Variants in PEX5L observed in about 807,000 individuals in gnomAD.
PEX5L encodes the protein peroxisomal biogenesis factor 5 like, also known as PEX5-related protein.
A neutral mutation model predicts 84.0 loss-of-function variants in PEX5L; 30 were observed. The ratio of observed to expected loss-of-function variants is 0.36; its 90% CI spans 0.27 to 0.48. The LOEUF is 0.48. Ranked by LOEUF, PEX5L falls within the 20% of genes least tolerant of loss-of-function variation. The pLI is 0.99. For synonymous variants in PEX5L, 270 were observed against 283.1 expected (o/e 0.95, Z 0.46); for missense variants, 533 against 754.6 (o/e 0.71, Z 3.44).
chr3:179,984,692 T>C (rs937393361), intron 1 of PEX5L, among the ~76,000 whole-genome samples: 8 of 147,252 alleles, frequency 5.4e-5, no homozygotes, highest in Non-Finnish European at 1.1e-4. Flanking sequence ...CAATTTGTCT[T>C]TTTTAGATTC....
chr3:179,850,655 A>G (rs1741470027), intron 8 of PEX5L, among the ~76,000 whole-genome samples: 1 of 152,226 alleles, frequency 6.6e-6, no homozygotes, highest in Non-Finnish European at 1.5e-5. Context: ...GTTAGCTAAC[A>G]TGACAAACCA....
chr3:179,908,164 T>G (rs1167750866), intron 2 of PEX5L, among the ~76,000 whole-genome samples: 5 of 152,230 alleles, frequency 3.3e-5, no homozygotes, highest in Admixed American at 6.5e-5. Context: ...GTGGGTTGGC[T>G]CCTCATAATG....
chr3:179,808,748 T>C (rs1007288510), intron 12 of PEX5L, among the ~76,000 whole-genome samples: 1 of 152,084 alleles, frequency 6.6e-6, no homozygotes, highest in African/African-American at 2.4e-5. Context: ...CCTCAGTGAA[T>C]AAGGATTTAA....
chr3:179,971,447 G>C, intron 2 of PEX5L, 147 bp downstream of exon 2: 1 of 1,174,794 alleles, frequency 8.5e-7, no homozygotes, highest in African/African-American at 1.6e-5. Context: ...ATCATATGGA[G>C]CGGCTTAGCT....
chr3:179,879,016 A>G (rs2177591), intron 5 of PEX5L, among the ~76,000 whole-genome samples: 139,246 of 152,256 alleles, frequency 0.91, 63,740 homozygotes, highest in South Asian at 0.97. Flanking sequence ...ACATATCATA[A>G]TAATAAGTGA....
intron 4 of PEX5L, 57 bp from the exon 5 acceptor site, chr3:179,880,180 A>G: frequency 8.9e-7 from 1 of 1,119,140 alleles, no homozygotes; most frequent in Non-Finnish European, 1.3e-6. Flanking sequence ...AATTATTTAA[A>G]ATAGGTTTCA....
chr3:179,836,106 T>C (rs960331842), intron 8 of PEX5L, among the ~76,000 whole-genome samples: 9 of 152,200 alleles, frequency 5.9e-5, no homozygotes, highest in African/African-American at 1.9e-4. Context: ...TTTTAGGTTT[T>C]CCCCTTACAT....
chr3:179,888,250 G>A (rs1756521509), intron 3 of PEX5L: 1 of 915,882 alleles, frequency 1.1e-6, no homozygotes, highest in Admixed American at 2.4e-5. Context: ...GTGGATAAAT[G>A]CCTGCCTCGT....
chr3:179,923,301 A>AAAAAAC lies in PEX5L; in HGVS notation c.94-25056_94-25055insGTTTTT, dbSNP rs1553900535. On this transcript the variant is annotated intron_variant, in intron 2 of 14. Transcript: ENST00000467460. ...GCGAGACTCCATCTCAAAAAAAAAA[A>AAAAAAC]AAAAAAAAAACACCCTCAAGTGAAT... Among the ~76,000 whole-genome samples the AAAAAAC allele has an allele frequency of 1.6e-4, 23 of 143,318 alleles. 3 individuals are homozygous for AAAAAAC. The South Asian group carries it at 2.0e-3, about 12-fold the overall frequency. The allele number at this position is 143,318 out of a possible 152,430, so 94.0% of individuals were successfully genotyped here. A position where few individuals can be genotyped will look rare whatever the true frequency, so the allele number is the denominator to read the frequency against.
intron 1 of PEX5L, among the ~76,000 whole-genome samples, chr3:179,977,543 C>T (rs1293968084): frequency 6.6e-6 from 1 of 152,120 alleles, no homozygotes; most frequent in African/African-American, 2.4e-5. Context: ...AGACTCATTT[C>T]TGTGGCAGCC....
intron 2 of PEX5L, among the ~76,000 whole-genome samples, chr3:179,940,656 C>T (rs1052385978): frequency 6.6e-6 from 1 of 152,164 alleles, no homozygotes; most frequent in African/African-American, 2.4e-5. Flanking sequence ...TCTAAAGGAA[C>T]AGCAACCCAT....
intron 2 of PEX5L, among the ~76,000 whole-genome samples, chr3:179,958,385 T>C (rs1321830916): frequency 2.0e-5 from 3 of 152,228 alleles, no homozygotes; most frequent in Admixed American, 2.0e-4. Context: ...CTGTGTAAAA[T>C]TCCCTTTGCC....
intron 8 of PEX5L, among the ~76,000 whole-genome samples, chr3:179,828,350 A>G (rs1468465765): frequency 6.6e-6 from 1 of 151,988 alleles, no homozygotes; most frequent in African/African-American, 2.4e-5. Flanking sequence ...CTCCCTTCTC[A>G]TCCTGGATGA....
chr3:179,844,413 T>A (rs1738477034), intron 8 of PEX5L, among the ~76,000 whole-genome samples: 1 of 152,232 alleles, frequency 6.6e-6, no homozygotes, highest in Non-Finnish European at 1.5e-5. Context: ...ATTCTTATAA[T>A]TCAGTGTCTA....
intron 10 of PEX5L, among the ~76,000 whole-genome samples, chr3:179,812,481 C>CTTA (rs1724261499): frequency 6.6e-6 from 1 of 151,972 alleles, no homozygotes; most frequent in South Asian, 2.1e-4. Flanking sequence ...GTACCTTAAG[C>CTTA]CCTTTTTCAT....
chr3:179,912,374 C>T (rs1765475340), intron 2 of PEX5L, among the ~76,000 whole-genome samples: 1 of 151,982 alleles, frequency 6.6e-6, no homozygotes, highest in South Asian at 2.1e-4. Context: ...GAATTATGGC[C>T]TTTTGGGTCC....
intron 2 of PEX5L, among the ~76,000 whole-genome samples, chr3:179,946,020 T>G (rs1777444290): frequency 2.0e-5 from 2 of 97,968 alleles, no homozygotes; most frequent in African/African-American, 9.7e-5. Context: ...ACTGAAAGTT[T>G]TTTTTTTTTT....
At chr3:179,993,591 C>T (rs1225243249) in intron 1 of PEX5L, among the ~76,000 whole-genome samples, 1 of 152,136 alleles carries the variant, frequency 6.6e-6, no homozygotes, top group Non-Finnish European at 1.5e-5. Context: ...CCTCCACCTC[C>T]CATGTTCAAG....
intron 8 of PEX5L, among the ~76,000 whole-genome samples, chr3:179,840,189 T>TG (rs1197027417): frequency 7.2e-6 from 1 of 137,986 alleles, no homozygotes; most frequent in African/African-American, 2.9e-5. Flanking sequence ...GTGTGTTTTT[T>TG]TTTTTTTTTT....
Sources: gnomAD v4.1 joint callset for allele counts (sites outside exome capture counted in the v4.1 genomes callset) on GRCh38, gnomAD v4.1.1 for gene constraint, MANE v1.5 for transcripts, NCBI Gene and HGNC (gene_info 2026-07-23, HGNC 2026-07-21) for gene names.